Variants in KITLG observed in about 807,000 individuals in gnomAD.
KITLG encodes the protein KIT ligand.
In KITLG, 13 loss-of-function variants were observed where a neutral mutation model predicts 34.1. The ratio of observed to expected loss-of-function variants is 0.38; its 90% CI spans 0.25 to 0.61. The LOEUF (loss-of-function observed/expected upper bound fraction) is 0.61. Among genes scored for constraint, KITLG ranks in the 20% least tolerant of loss-of-function variants. KITLG has a pLI of 0.60. For missense variants in KITLG, 292 were observed against 318.9 expected (o/e 0.92, Z 0.64); for synonymous variants, 110 against 104.0 (o/e 1.06, Z -0.35).
rs535130777 is a variant in KITLG at position 88,511,243 on chromosome 12, T to C, written c.605-4106A>G. Among the ~76,000 whole-genome samples the C allele has an allele frequency of 7.2e-4, 109 of 152,228 alleles. 1 individual carries two copies. The highest frequency in any genetic ancestry group is 1.2e-3 in the Non-Finnish European group (84 of 68,044). ...GTTTCCAAATACGATGGTAGCAGAC[T>C]AGCCTTTCCAACCTAAGTAATTATA... On this transcript the variant is annotated intron_variant, in intron 6 of 9. Coordinates refer to ENST00000644744, the MANE Select transcript of KITLG (RefSeq NM_000899.5).
chr12:88,508,556 CGT>C (rs139771009), intron 6 of KITLG, among the ~76,000 whole-genome samples: 3,459 of 146,802 alleles, frequency 0.024, 78 homozygotes, highest in Admixed American at 0.082. Context: ...TGTGTGCTCA[CGT>C]GTGTGTGTGT....
chr12:88,568,644 A>C (rs151294690), intron 1 of KITLG, among the ~76,000 whole-genome samples: 5 of 152,312 alleles, frequency 3.3e-5, no homozygotes, highest in African/African-American at 1.2e-4. Flanking sequence ...TCCAGTCTAC[A>C]CAAGGCCAAT....
intron 1 of KITLG, among the ~76,000 whole-genome samples, chr12:88,556,689 G>C (rs564749055): frequency 6.6e-6 from 1 of 152,136 alleles, no homozygotes; most frequent in Non-Finnish European, 1.5e-5. Context: ...GCAGGAGTCT[G>C]GGAGTTTATC....
chr12:88,549,873 A>G (rs1476043783), intron 1 of KITLG, among the ~76,000 whole-genome samples: 1 of 152,196 alleles, frequency 6.6e-6, no homozygotes, highest in Non-Finnish European at 1.5e-5. Flanking sequence ...GAGAACCCAC[A>G]AAAGAGTCCA....
At chr12:88,519,362 G>A (rs1467486482) in intron 3 of KITLG, among the ~76,000 whole-genome samples, 4 of 152,060 alleles carry the variant, frequency 2.6e-5, no homozygotes, top group South Asian at 2.1e-4. Context: ...CTCTTATAAA[G>A]ATCTTTTAAG....
At chr12:88,559,124 T>C (rs1871207271) in intron 1 of KITLG, among the ~76,000 whole-genome samples, 1 of 152,200 alleles carries the variant, frequency 6.6e-6, no homozygotes, top group Non-Finnish European at 1.5e-5. Flanking sequence ...CAGAATACTG[T>C]TGATTGTCTC....
At position 88,493,437 on chromosome 12, in the gene KITLG, A is replaced by G. The variant is rs1024495401; in HGVS notation, c.*3782T>C. ...TTTTTACAAACAAAGGCATTTCAAG[A>G]CTAGTTAATGGAAAGCAGCAACATT... is the stretch of plus-strand genomic sequence containing the variant. On this transcript the variant is annotated 3_prime_UTR_variant, in exon 10 of 10. Transcript: ENST00000644744. 1 of 152,318 alleles carries G rather than the reference A, an allele frequency of 6.6e-6. No homozygotes were observed. The highest frequency in any genetic ancestry group is 2.4e-5 in the African/African-American group (1 of 41,432). The allele number at this position is 152,318 out of a possible 1,614,324, so 9.4% of individuals were successfully genotyped here.
rs1334252205 is a variant in KITLG, at chr12:88,518,775, C to T, written c.285G>A (p.Leu95=). 5.6e-6 allele frequency: 9 copies of T among 1,613,240 alleles called. No individual in the cohort carries two copies. Among genetic ancestry groups the T allele is most frequent in the Non-Finnish European group, 5.9e-6 (7 of 1,179,444 alleles). ...GTTTGTCTATGATGGAATAATTACT[C>T]AAGCCTTCAGAAATATTTGAAAACT... The part of the protein sequence containing the change: ...LDKFSNISEG[L]SNYSIIDKLV... Residue 95 remains leucine (L), a synonymous_variant, in exon 4 of 10, where the codon TTG becomes TTA. Transcript: ENST00000644744.
intron 3 of KITLG, among the ~76,000 whole-genome samples, chr12:88,525,759 G>T (rs181936426): frequency 6.6e-6 from 1 of 152,074 alleles, no homozygotes; most frequent in African/African-American, 2.4e-5. Context: ...AAAAGATAGG[G>T]TCCACATAGC....
intron 1 of KITLG, among the ~76,000 whole-genome samples, chr12:88,574,057 C>T (rs1363177669): frequency 1.6e-5 from 2 of 128,456 alleles, no homozygotes; most frequent in Admixed American, 1.9e-4. Context: ...CAATAATAGC[C>T]ATTGCTACTT....
chr12:88,518,653 T>C (rs756632592), intron 4 of KITLG, 44 bp downstream of exon 4: 2 of 1,503,070 alleles, frequency 1.3e-6, no homozygotes, highest in African/African-American at 2.8e-5. Flanking sequence ...CATGGGTTTT[T>C]AGAGAAGCGT....
chr12:88,506,402 A>G, intron 7 of KITLG, 24 bp from the exon 8 acceptor site: 2 of 1,512,040 alleles, frequency 1.3e-6, no homozygotes, highest in Non-Finnish European at 1.8e-6. Context: ...AAAGACATAT[A>G]CTGTAAAATA....
chr12:88,536,211 A>T (rs1341594577), intron 2 of KITLG, among the ~76,000 whole-genome samples: 1 of 152,198 alleles, frequency 6.6e-6, no homozygotes, highest in Non-Finnish European at 1.5e-5. Context: ...ACAAGCAAAA[A>T]ATAACCCCAT....
intron 3 of KITLG, among the ~76,000 whole-genome samples, chr12:88,524,302 A>G (rs947144955): frequency 6.6e-6 from 1 of 152,194 alleles, no homozygotes; most frequent in Admixed American, 6.5e-5. Flanking sequence ...CACCCTATTT[A>G]GAGGCTGGAA....
At chr12:88,531,445 T>C (rs1206073866) in intron 3 of KITLG, among the ~76,000 whole-genome samples, 1 of 152,222 alleles carries the variant, frequency 6.6e-6, no homozygotes, top group East Asian at 1.9e-4. Context: ...ATGGTAAGGT[T>C]TGATAAGCTC....
chr12:88,563,963 A>AG (rs34329515), intron 1 of KITLG, among the ~76,000 whole-genome samples: 1 of 25,038 alleles, frequency 4.0e-5, no homozygotes, highest in Non-Finnish European at 3.6e-4. Flanking sequence ...ACTCCATCTC[A>AG]AAAAAAAAGA....
chr12:88,529,003 G>A (rs1869980257), intron 3 of KITLG, among the ~76,000 whole-genome samples: 1 of 152,086 alleles, frequency 6.6e-6, no homozygotes, highest in Non-Finnish European at 1.5e-5. Context: ...AGTGGAATTG[G>A]AATGTTCCTA....
In KITLG at chr12:88,523,833, T is replaced by C. The variant is rs1869768900; in HGVS notation, c.193-4966A>G. On this transcript the variant is annotated intron_variant, in intron 3 of 9. Coordinates refer to ENST00000644744, the MANE Select transcript of KITLG (RefSeq NM_000899.5). ...CCTCTCCCTAAACAATTAATTTGGG[T>C]CTTCAGTGTTCACTTTAGGCATCTA... is the stretch of plus-strand genomic sequence containing the variant. Among the ~76,000 whole-genome samples, 3 of 152,220 alleles carry C rather than the reference T, an allele frequency of 2.0e-5. No individual in the cohort carries two copies. The South Asian group carries it at 6.2e-4, about 32-fold the overall frequency.
intron 2 of KITLG, among the ~76,000 whole-genome samples, 181 bp from the exon 3 acceptor site, chr12:88,532,684 C>T (rs1870143574): frequency 6.6e-6 from 1 of 151,970 alleles, no homozygotes; most frequent in East Asian, 1.9e-4. Context: ...AAAAGGCATC[C>T]TTCAAAATAA....
Sources: gnomAD v4.1 joint callset for allele counts (sites outside exome capture counted in the v4.1 genomes callset) on GRCh38, gnomAD v4.1.1 for gene constraint, MANE v1.5 for transcripts, NCBI Gene and HGNC (gene_info 2026-07-23, HGNC 2026-07-21) for gene names.